The following ASZ1 variants were observed in gnomAD, a reference collection of about 807,000 sequenced individuals.
ASZ1 encodes ankyrin repeat, SAM and basic leucine zipper domain-containing protein 1.
Under a neutral mutation model 61.8 loss-of-function variants are expected in ASZ1, and 67 were observed. That is an observed-to-expected ratio of 1.08 (90% confidence interval 0.89 to 1.33). The LOEUF (loss-of-function observed/expected upper bound fraction) is 1.33. Among genes scored for constraint, ASZ1 ranks in the 40% most tolerant of loss-of-function variants. The pLI is 0.00. For synonymous variants in ASZ1, 193 were observed against 192.7 expected, an observed-to-expected ratio of 1.00 and a Z score of -0.01; for missense variants, 577 against 554.5, an observed-to-expected ratio of 1.04 and a Z score of -0.41.
At chr7:117,407,592 G>C (rs1796810568) in intron 4 of ASZ1, among the ~76,000 whole-genome samples, 1 of 151,982 alleles carries the variant, frequency 6.6e-6, no homozygotes, top group Non-Finnish European at 1.5e-5. Flanking sequence ...GAGATAACAG[G>C]AACTAAGAAT....
intron 2 of ASZ1, among the ~76,000 whole-genome samples, chr7:117,425,253 T>TG (rs1797174467): frequency 2.2e-5 from 3 of 138,970 alleles, no homozygotes; most frequent in African/African-American, 7.8e-5. Flanking sequence ...TTCCTTTGAG[T>TG]AATTTCTTTT....
At chr7:117,416,771 T>C (rs959433272) in intron 4 of ASZ1, among the ~76,000 whole-genome samples, 10 of 152,248 alleles carry the variant, frequency 6.6e-5, no homozygotes, top group African/African-American at 2.4e-4. Flanking sequence ...ATGTAAATTA[T>C]ATACAAGTTA....
Position 117,379,891 on chromosome 7 carries a change from T to C in ASZ1, c.1055+47A>G, listed in dbSNP as rs371905312. ...ATGAAAATTAAACTAAAAAGAACAA[T>C]TGGTTCTTAACACTATTAATAATAT... On this transcript the variant is annotated intron_variant, in intron 10 of 12. Transcript: ENST00000284629. 1.4e-4 allele frequency: 170 copies of C among 1,211,880 alleles called. No homozygotes were observed. The Middle Eastern group carries it at 2.0e-3, about 14-fold the overall frequency. The allele number at this position is 1,211,880 out of a possible 1,614,324, so 75.1% of individuals were successfully genotyped here.
At chr7:117,367,822 T>C (rs1449190625) in intron 11 of ASZ1, 1 of 989,572 alleles carries the variant, frequency 1.0e-6, no homozygotes, top group Non-Finnish European at 1.2e-6. Context: ...AAATTTTCAC[T>C]AAGACAAACA....
intron 4 of ASZ1, among the ~76,000 whole-genome samples, chr7:117,411,340 A>G (rs1796885831): frequency 6.6e-6 from 1 of 151,796 alleles, no homozygotes; most frequent in South Asian, 2.1e-4. Flanking sequence ...TTAAAATGAT[A>G]ATGGGGCAAT....
chr7:117,367,331 C>A, intron 12 of ASZ1, 21 bp downstream of exon 12: 5 of 1,434,148 alleles, frequency 3.5e-6, no homozygotes, highest in Non-Finnish European at 4.6e-6. Flanking sequence ...TTTTCCCCTC[C>A]TTTTAATGTT....
chr7:117,402,996 T>G (rs1796709580), intron 4 of ASZ1, among the ~76,000 whole-genome samples: 1 of 152,120 alleles, frequency 6.6e-6, no homozygotes, highest in Non-Finnish European at 1.5e-5. Flanking sequence ...GGAAAACATG[T>G]ACCCTCTCCA....
At chr7:117,385,618 T>C (rs1255996735) in intron 5 of ASZ1, 80 bp downstream of exon 5, 2 of 1,173,670 alleles carry the variant, frequency 1.7e-6, no homozygotes, top group East Asian at 5.0e-5. Flanking sequence ...CTTTTGTAAT[T>C]ATTACTTCTT....
At chr7:117,418,161 T>C (rs1797031540) in intron 4 of ASZ1, among the ~76,000 whole-genome samples, 1 of 151,932 alleles carries the variant, frequency 6.6e-6, no homozygotes, top group South Asian at 2.1e-4. Context: ...ATAGAGGCAG[T>C]CGGAAAAAAA....
intron 4 of ASZ1, among the ~76,000 whole-genome samples, chr7:117,393,036 C>T (rs1273530376): frequency 4.6e-5 from 7 of 151,660 alleles, no homozygotes; most frequent in African/African-American, 9.7e-5. Context: ...TTAGTAGAGA[C>T]GGATTTCACC....
At chr7:117,400,479 G>A (rs777428999) in intron 4 of ASZ1, among the ~76,000 whole-genome samples, 57 of 152,234 alleles carry the variant, frequency 3.7e-4, no homozygotes, top group Middle Eastern at 3.4e-3. Flanking sequence ...ATTAGCATTG[G>A]CAAGTGCTAA....
chr7:117,418,183 G>T (rs1797032373), intron 4 of ASZ1, among the ~76,000 whole-genome samples: 1 of 152,110 alleles, frequency 6.6e-6, no homozygotes, highest in African/African-American at 2.4e-5. Flanking sequence ...AAAGTGAAGA[G>T]CACCAAGCAA....
intron 4 of ASZ1, among the ~76,000 whole-genome samples, chr7:117,388,371 C>T (rs1434441361): frequency 6.6e-6 from 1 of 151,942 alleles, no homozygotes; most frequent in East Asian, 1.9e-4. Context: ...AAACTATAAA[C>T]CAATAATCTT....
chr7:117,426,522 GA>G (rs1212569826), intron 2 of ASZ1, among the ~76,000 whole-genome samples: 1 of 134,194 alleles, frequency 7.5e-6, no homozygotes, highest in Non-Finnish European at 1.6e-5. Context: ...AAAAAGAAAA[GA>G]AAAAAGAAAC....
chr7:117,395,982 A>G (rs995450058), intron 4 of ASZ1, among the ~76,000 whole-genome samples: 21 of 152,188 alleles, frequency 1.4e-4, no homozygotes, highest in African/African-American at 5.1e-4. Flanking sequence ...TGTTCCAGTG[A>G]AACTTAAGAA....
chr7:117,373,246 C>G (rs574187068), intron 10 of ASZ1, among the ~76,000 whole-genome samples: 1 of 151,970 alleles, frequency 6.6e-6, no homozygotes, highest in Non-Finnish European at 1.5e-5. Context: ...TTAAATTGCA[C>G]TCTTTATTTT....
At chr7:117,371,211 A>G (rs972045404) in intron 10 of ASZ1, among the ~76,000 whole-genome samples, 2 of 152,182 alleles carry the variant, frequency 1.3e-5, no homozygotes, top group Non-Finnish European at 2.9e-5. Context: ...CACTATTTCT[A>G]GAAGGAAAGG....
chr7:117,368,791 A>G, intron 10 of ASZ1, 74 bp from the exon 11 acceptor site: 1 of 1,586,714 alleles, frequency 6.3e-7, no homozygotes, highest in Non-Finnish European at 8.5e-7. Flanking sequence ...TAGGCAAGTT[A>G]CTGAAAATCT....
intron 12 of ASZ1, among the ~76,000 whole-genome samples, 199 bp from the exon 13 acceptor site, chr7:117,363,947 T>TG (rs1255730734): frequency 1.3e-5 from 2 of 152,198 alleles, no homozygotes; most frequent in Non-Finnish European, 2.9e-5. Flanking sequence ...CCCATTACTG[T>TG]AAATCATTAG....
Sources: gnomAD v4.1 joint callset for allele counts (sites outside exome capture counted in the v4.1 genomes callset) on GRCh38, gnomAD v4.1.1 for gene constraint, MANE v1.5 for transcripts, NCBI Gene and HGNC (gene_info 2026-07-23, HGNC 2026-07-21) for gene names.